KLF12: variants seen among roughly 807,000 people sequenced by gnomAD.
The protein encoded by KLF12 is KLF transcription factor 12.
In KLF12, 9 loss-of-function variants were observed where a neutral mutation model predicts 37.8. The ratio of observed to expected loss-of-function variants is 0.24; its 90% CI spans 0.14 to 0.42. KLF12 has a LOEUF of 0.42. Ranked by LOEUF, KLF12 falls within the 10% of genes least tolerant of loss-of-function variation. The pLI, the probability that KLF12 is intolerant of heterozygous loss-of-function variation, is 1.00. For synonymous variants in KLF12, 208 were observed against 202.1 expected (o/e 1.03, Z -0.25); for missense variants, 411 against 516.0 (o/e 0.80, Z 1.97).
chr13:73,969,048 T>C (rs1270028789), intron 2 of KLF12, among the ~76,000 whole-genome samples: 1 of 151,360 alleles, frequency 6.6e-6, no homozygotes, highest in East Asian at 1.9e-4. Context: ...AAAAAAAACC[T>C]ATAGCAATTA....
At chr13:74,260,579 A>T in the KLF12 span, among the ~76,000 whole-genome samples, 9 of 83,284 alleles carry the variant, frequency 1.1e-4, no homozygotes, top group African/African-American at 5.8e-4. Flanking sequence ...TAAAATAAAT[A>T]AAATAAAATA....
chr13:74,298,600 C>A, the KLF12 span, among the ~76,000 whole-genome samples: 1 of 151,968 alleles, frequency 6.6e-6, no homozygotes, highest in Non-Finnish European at 1.5e-5. Flanking sequence ...AGAAGAGAGG[C>A]TAAAATGGCA....
the KLF12 span, among the ~76,000 whole-genome samples, chr13:74,255,627 T>C: frequency 6.6e-6 from 1 of 152,204 alleles, no homozygotes; most frequent in African/African-American, 2.4e-5. Flanking sequence ...TCTATTATAT[T>C]GAGTGGTTTC....
chr13:74,171,592 A>G, the KLF12 span, among the ~76,000 whole-genome samples: 1 of 152,212 alleles, frequency 6.6e-6, no homozygotes, highest in Admixed American at 6.5e-5. Flanking sequence ...TTTGTTGGAA[A>G]GATGATATAA....
intron 3 of KLF12, among the ~76,000 whole-genome samples, chr13:73,886,617 C>A (rs898357647): frequency 6.6e-6 from 1 of 151,966 alleles, no homozygotes; most frequent in Non-Finnish European, 1.5e-5. Context: ...CACATGCACC[C>A]CAGAACTTAA....
intron 1 of KLF12, among the ~76,000 whole-genome samples, chr13:74,000,595 A>G (rs1415355059): frequency 6.6e-6 from 1 of 152,232 alleles, no homozygotes; most frequent in Non-Finnish European, 1.5e-5. Context: ...CTACTACAGA[A>G]AGTAAAATTT....
At chr13:73,811,176 G>A (rs1882923331) in intron 5 of KLF12, among the ~76,000 whole-genome samples, 1 of 151,212 alleles carries the variant, frequency 6.6e-6, no homozygotes, top group Non-Finnish European at 1.5e-5. Flanking sequence ...AGTAGAGATG[G>A]GGTTTCACTA....
chr13:73,901,978 CATAA>C (rs1888062448), intron 3 of KLF12, among the ~76,000 whole-genome samples: 1 of 152,086 alleles, frequency 6.6e-6, no homozygotes, highest in South Asian at 2.1e-4. Context: ...TTTACATAGC[CATAA>C]ATACTTTTAG....
At chr13:73,780,048 G>A (rs985177813) in intron 5 of KLF12, among the ~76,000 whole-genome samples, 2 of 152,196 alleles carry the variant, frequency 1.3e-5, no homozygotes, top group African/African-American at 2.4e-5. Context: ...AGTGGAGGAA[G>A]TAACTGTAGA....
intron 3 of KLF12, among the ~76,000 whole-genome samples, chr13:73,867,267 A>G (rs988843924): frequency 6.6e-6 from 1 of 152,120 alleles, no homozygotes; most frequent in Non-Finnish European, 1.5e-5. Context: ...ATACAAAGCA[A>G]AAGAAGGTTG....
At chr13:74,083,253 C>G (rs9543522) in intron 1 of KLF12, among the ~76,000 whole-genome samples, 29,298 of 152,088 alleles carry the variant, frequency 0.19, 2,985 homozygotes, top group African/African-American at 0.27. Context: ...TGGCTCACGC[C>G]TGCAATCCCA....
At chr13:74,219,647 A>T in the KLF12 span, among the ~76,000 whole-genome samples, 1 of 152,224 alleles carries the variant, frequency 6.6e-6, no homozygotes, top group Non-Finnish European at 1.5e-5. Flanking sequence ...TAATTTCTTT[A>T]ATGTGGGTCT....
intron 1 of KLF12, among the ~76,000 whole-genome samples, chr13:74,051,936 A>G (rs1872950298): frequency 6.6e-6 from 1 of 152,206 alleles, no homozygotes; most frequent in Non-Finnish European, 1.5e-5. Context: ...GGATTTGCCA[A>G]CTACCCTAAT....
At chr13:73,817,401 T>G (rs1594126312) in intron 4 of KLF12, among the ~76,000 whole-genome samples, 1 of 148,356 alleles carries the variant, frequency 6.7e-6, no homozygotes, top group Admixed American at 6.7e-5. Flanking sequence ...TTCCACTAAA[T>G]TTTAGGGTTA....
chr13:73,768,201 T>C (rs1566354593), intron 5 of KLF12, among the ~76,000 whole-genome samples: 1 of 152,138 alleles, frequency 6.6e-6, no homozygotes, highest in Non-Finnish European at 1.5e-5. Context: ...TCAGGGCAAA[T>C]GGAGGTAATA....
At chr13:73,741,729 C>CT (rs1262848151) in intron 6 of KLF12, among the ~76,000 whole-genome samples, 1 of 152,184 alleles carries the variant, frequency 6.6e-6, no homozygotes, top group Non-Finnish European at 1.5e-5. Flanking sequence ...TGGAGGTTGA[C>CT]TTTACACTAA....
chr13:74,055,293 C>T (rs550458707), intron 1 of KLF12, among the ~76,000 whole-genome samples: 1 of 152,276 alleles, frequency 6.6e-6, no homozygotes, highest in East Asian at 1.9e-4. Context: ...CATTTACTTA[C>T]ATGTCTTTAA....
chr13:74,271,776 A>T, the KLF12 span, among the ~76,000 whole-genome samples: 1 of 152,120 alleles, frequency 6.6e-6, no homozygotes, highest in African/African-American at 2.4e-5. Flanking sequence ...TGGTATACAC[A>T]ATGTCATCAG....
At position 73,861,029 on chromosome 13, in the gene KLF12, A is replaced by G. The variant is rs1370981006; in HGVS notation, c.124-14656T>C. Among the ~76,000 whole-genome samples the G allele has an allele frequency of 2.6e-5, 4 of 152,204 alleles. No individual in the cohort carries two copies. The East Asian group carries it at 7.7e-4, about 29-fold the overall frequency. On this transcript the variant is annotated intron_variant, in intron 3 of 7. Coordinates refer to ENST00000377669, the MANE Select transcript of KLF12 (RefSeq NM_007249.5). The stretch of plus-strand genomic sequence containing the variant: ...TGCTAATTTGAAATACATTTTTTAT[A>G]ACTAGAAAATTTATAATTAGCATCT...
Sources: allele counts gnomAD v4.1 joint callset (sites outside exome capture counted in the v4.1 genomes callset), GRCh38; gene constraint gnomAD v4.1.1; transcripts MANE v1.5; gene names NCBI Gene and HGNC (gene_info 2026-07-23, HGNC 2026-07-21).